The following KCNQ5 variants were observed in gnomAD, a reference collection of about 807,000 sequenced individuals.
KCNQ5 encodes potassium voltage-gated channel subfamily Q member 5, also known as potassium voltage-gated channel subfamily KQT member 5.
In KCNQ5, 30 loss-of-function variants were observed where a neutral mutation model predicts 98.2. The ratio of observed to expected loss-of-function variants is 0.31; its 90% confidence interval spans 0.23 to 0.41. The LOEUF (loss-of-function observed/expected upper bound fraction) is 0.41, where lower values mean the gene tolerates loss of function less well. Ranked by LOEUF, KCNQ5 falls within the 10% of genes least tolerant of loss-of-function variation. The probability of loss-of-function intolerance (pLI) is 1.00; values close to 1 mark genes in which losing one functional copy is unlikely to be tolerated. For missense variants in KCNQ5, 835 were observed against 1,182.5 expected (o/e 0.71, Z 4.31); for synonymous variants, 458 against 449.4 (o/e 1.02, Z -0.24).
rs11388162 is a variant in KCNQ5 at position 73,063,721 on chromosome 6, TGATAGATAGATAGATA to T, written c.617-13572_617-13557del. Among the ~76,000 whole-genome samples, 52 of 96,078 alleles carry T rather than the reference TGATAGATAGATAGATA, an allele frequency of 5.4e-4. 1 individual carries two copies. Among genetic ancestry groups the T allele is most frequent in the South Asian group, 8.4e-4 (2 of 2,370 alleles). 63.0% of individuals were successfully genotyped at this position (96,078 alleles called of 152,430 possible). A position where few individuals can be genotyped will look rare whatever the true frequency, so the allele number is the denominator to read the frequency against. ...ATAGATAGATAGATAGATAGATAGA[TGATAGATAGATAGATA>T]GATAGATAGATAGATAGATAGATAG... On this transcript the variant is annotated intron_variant, in intron 3 of 13. Coordinates refer to ENST00000370398, the MANE Select transcript of KCNQ5 (RefSeq NM_019842.4).
intron 1 of KCNQ5, among the ~76,000 whole-genome samples, chr6:72,925,656 T>C (rs1275044231): frequency 6.6e-6 from 1 of 152,118 alleles, no homozygotes; most frequent in Non-Finnish European, 1.5e-5. Flanking sequence ...AAAATAAATA[T>C]GTTCAACAGC....
intron 1 of KCNQ5, among the ~76,000 whole-genome samples, chr6:72,676,487 C>T (rs1051447913): frequency 6.6e-6 from 1 of 152,162 alleles, no homozygotes; most frequent in Admixed American, 6.5e-5. Context: ...AGATTGGTGT[C>T]TCTGTTCCCA....
chr6:72,650,976 C>T (rs1765847889), intron 1 of KCNQ5, among the ~76,000 whole-genome samples: 1 of 151,880 alleles, frequency 6.6e-6, no homozygotes, highest in Non-Finnish European at 1.5e-5. Flanking sequence ...TTTAAGAGGG[C>T]AGGTGGGAAG....
chr6:72,926,603 G>A (rs919558818), intron 1 of KCNQ5, among the ~76,000 whole-genome samples: 1 of 152,050 alleles, frequency 6.6e-6, no homozygotes, highest in Admixed American at 6.6e-5. Flanking sequence ...ATTATTTGAA[G>A]AGAAAAACTT....
intron 1 of KCNQ5, among the ~76,000 whole-genome samples, chr6:72,728,047 C>G (rs530868431): frequency 6.6e-6 from 1 of 152,284 alleles, no homozygotes; most frequent in East Asian, 1.9e-4. Context: ...TGCTAACATA[C>G]TACTTGTCAG....
intron 1 of KCNQ5, among the ~76,000 whole-genome samples, chr6:72,860,121 G>T (rs1454433259): frequency 1.3e-5 from 2 of 152,160 alleles, no homozygotes; most frequent in Non-Finnish European, 2.9e-5. Flanking sequence ...CAGGTCCAAT[G>T]AAACAAATAC....
intron 1 of KCNQ5, among the ~76,000 whole-genome samples, chr6:72,988,228 G>T (rs1470887532): frequency 6.6e-6 from 1 of 152,074 alleles, no homozygotes; most frequent in South Asian, 2.1e-4. Context: ...TTATGAAATG[G>T]GTGCTATTAT....
rs199534902 is a variant in KCNQ5, at chr6:72,701,829, GAA to G, written c.398+79243_398+79244del. Among the ~76,000 whole-genome samples the G allele has an allele frequency of 4.3e-4, 65 of 152,140 alleles. No homozygotes were observed. The East Asian group carries it at 0.012, about 29-fold the overall frequency. Reference sequence around the variant, plus strand: ...TCTGGGGCTCAAGTGATCCTGCCAAGAAGCTTGATGTGCACCATGAAGCCTGC... The same window carrying G: ...TCTGGGGCTCAAGTGATCCTGCCAAGGCTTGATGTGCACCATGAAGCCTGC... On this transcript the variant is annotated intron_variant, in intron 1 of 13. Coordinates refer to ENST00000370398, the MANE Select transcript of KCNQ5 (RefSeq NM_019842.4).
intron 3 of KCNQ5, chr6:73,055,178 G>C (rs772454914): frequency 2.3e-6 from 2 of 874,302 alleles, no homozygotes; most frequent in South Asian, 1.3e-5. Context: ...CTGGTACGAC[G>C]CCATCCTGAG....
rs146272246 is a variant in KCNQ5 at position 72,769,649 on chromosome 6, T to G, written c.398+147062T>G. Among the ~76,000 whole-genome samples, 293 of 152,200 alleles carry G rather than the reference T, an allele frequency of 1.9e-3. 3 individuals carry two copies. The highest frequency in any genetic ancestry group is 0.013 in the Admixed American group (203 of 15,266). ...AGAACTGCCTCATAAGCTTGAGTTC[T>G]GGACATTGCAGACTGCCTGCTACTG... On this transcript the variant is annotated intron_variant, in intron 1 of 13. Transcript: ENST00000370398.
chr6:73,063,709 TAGATAGATAGATGATAGATA>T (rs1772912631), intron 3 of KCNQ5, among the ~76,000 whole-genome samples: 2 of 122,060 alleles, frequency 1.6e-5, no homozygotes, highest in African/African-American at 6.2e-5. Context: ...GATAGATAGA[TAGATAGATAGATGATAGATA>T]GATAGATAGA....
At chr6:72,720,526 G>A (rs1769903155) in intron 1 of KCNQ5, among the ~76,000 whole-genome samples, 1 of 152,080 alleles carries the variant, frequency 6.6e-6, no homozygotes, top group African/African-American at 2.4e-5. Flanking sequence ...GATTCTAGAT[G>A]GGGGTTTGAC....
intron 1 of KCNQ5, among the ~76,000 whole-genome samples, chr6:72,669,760 A>C (rs534158399): frequency 5.3e-5 from 8 of 152,248 alleles, no homozygotes; most frequent in Non-Finnish European, 7.4e-5. Context: ...TCAAACTGGC[A>C]GAGTCTCTGC....
chr6:73,009,915 C>A (rs1018310301), intron 2 of KCNQ5, among the ~76,000 whole-genome samples: 18 of 152,272 alleles, frequency 1.2e-4, no homozygotes, highest in African/African-American at 4.3e-4. Context: ...AGCCCAGGAT[C>A]TGATGGCTTC....
intron 3 of KCNQ5, among the ~76,000 whole-genome samples, chr6:73,051,228 T>G (rs1331344554): frequency 6.6e-6 from 1 of 152,086 alleles, no homozygotes; most frequent in African/African-American, 2.4e-5. Flanking sequence ...TGTGAACATA[T>G]GCATGGAGGC....
In KCNQ5 at chr6:72,781,823, T is replaced by G. The variant is rs1561979566; in HGVS notation, c.398+159236T>G. Among the ~76,000 whole-genome samples the G allele has an allele frequency of 2.0e-5, 3 of 152,218 alleles. No homozygotes were observed. The East Asian group carries it at 5.8e-4, about 29-fold the overall frequency. On this transcript the variant is annotated intron_variant, in intron 1 of 13. Coordinates refer to ENST00000370398, the MANE Select transcript of KCNQ5 (RefSeq NM_019842.4). ...GACCTAGGGGTTGACAGAGTCTGCT[T>G]TTATTCAAGACTGGAAATATCAGGA...
At chr6:73,120,647 A>C in intron 8 of KCNQ5, 70 bp downstream of exon 8, 3 of 949,904 alleles carry the variant, frequency 3.2e-6, no homozygotes, top group Non-Finnish European at 4.9e-6. Context: ...CCATACCCAC[A>C]CACACAAAAA....
chr6:72,871,463 T>C (rs1778201605), intron 1 of KCNQ5, among the ~76,000 whole-genome samples: 1 of 152,170 alleles, frequency 6.6e-6, no homozygotes, highest in Non-Finnish European at 1.5e-5. Context: ...AACTCTTTCA[T>C]CATTTAATCT....
intron 1 of KCNQ5, among the ~76,000 whole-genome samples, chr6:73,002,208 T>C (rs1485317117): frequency 6.6e-6 from 1 of 152,212 alleles, no homozygotes; most frequent in Non-Finnish European, 1.5e-5. Context: ...TAGCAGGCTC[T>C]TTCCTCTTGG....
Sources: allele counts gnomAD v4.1 joint callset (sites outside exome capture counted in the v4.1 genomes callset), GRCh38; gene constraint gnomAD v4.1.1; transcripts MANE v1.5; gene names NCBI Gene and HGNC (gene_info 2026-07-23, HGNC 2026-07-21).